Variants in CACNA1B observed in about 807,000 individuals in gnomAD.
CACNA1B encodes voltage-dependent N-type calcium channel subunit alpha-1B.
A neutral mutation model predicts 247.2 loss-of-function variants in CACNA1B; 70 were observed. The observed-to-expected ratio is 0.28, with a 90% confidence interval of 0.23 to 0.35. The LOEUF is 0.35. CACNA1B is among the 10% of genes least tolerant of loss of function. The pLI, the probability that CACNA1B is intolerant of heterozygous loss-of-function variation, is 1.00. For missense variants in CACNA1B, 2,367 were observed against 3,197.4 expected (o/e 0.74, Z 6.26); for synonymous variants, 1,231 against 1,294.4 (o/e 0.95, Z 1.05).
chr9:138,022,189 G>T (rs891789503), intron 18 of CACNA1B, among the ~76,000 whole-genome samples: 2 of 152,196 alleles, frequency 1.3e-5, no homozygotes, highest in African/African-American at 2.4e-5. Flanking sequence ...GGGCTCCGAG[G>T]ACCATGTTCT....
chr9:138,068,732 A>G, intron 31 of CACNA1B: 1 of 456,308 alleles, frequency 2.2e-6, no homozygotes, highest in Non-Finnish European at 4.4e-6. Flanking sequence ...AGGGGCGGGA[A>G]CTGCTGACTG....
Position 138,050,820 on chromosome 9 carries a change from G to A in CACNA1B, c.3711-1272G>A, listed in dbSNP as rs1197710884. Among the ~76,000 whole-genome samples, 1 of 152,218 alleles carries A rather than the reference G, an allele frequency of 6.6e-6. No individual in the cohort carries two copies. The highest frequency in any genetic ancestry group is 1.5e-5 in the Non-Finnish European group (1 of 68,036). On this transcript the variant is annotated intron_variant, in intron 24 of 46. Coordinates refer to ENST00000371372, the MANE Select transcript of CACNA1B (RefSeq NM_000718.4). The surrounding 1 kb of genome is among the most constrained non-coding windows in gnomAD (Gnocchi z 5.2). ...CGGGAGCACTGGGGTGATGGAGACA[G>A]GAGGCTGGGTTCTTCCCACCTGGAA...
intron 39 of CACNA1B, among the ~76,000 whole-genome samples, chr9:138,107,975 ACT>A (rs1013590943): frequency 6.7e-6 from 1 of 148,296 alleles, no homozygotes; most frequent in Non-Finnish European, 1.5e-5. Flanking sequence ...ACAGAGTGAG[ACT>A]CTGTCTCAAA....
intron 20 of CACNA1B, among the ~76,000 whole-genome samples, chr9:138,025,983 C>T (rs757658568): frequency 4.4e-4 from 67 of 152,220 alleles, no homozygotes; most frequent in African/African-American, 4.6e-4. Flanking sequence ...GCAGACCAGA[C>T]GGACTCAATC....
At chr9:137,991,995 A>T (rs990940103) in intron 15 of CACNA1B, among the ~76,000 whole-genome samples, 1 of 152,242 alleles carries the variant, frequency 6.6e-6, no homozygotes, top group African/African-American at 2.4e-5. Context: ...TCCTTAAGAC[A>T]CAAATCCAAC....
chr9:138,013,291 T>C, intron 18 of CACNA1B, 56 bp downstream of exon 18: 1 of 1,348,784 alleles, frequency 7.4e-7, no homozygotes, highest in Non-Finnish European at 1.0e-6. Context: ...CAGGGTCCCA[T>C]GGCTGGGCCC....
In CACNA1B at chr9:138,124,174, A is replaced by C. The variant is rs1275282028; in HGVS notation, c.*2175A>C. 1 of 152,112 alleles carries C rather than the reference A, an allele frequency of 6.6e-6. No individual in the cohort carries two copies. The highest frequency in any genetic ancestry group is 2.4e-5 in the African/African-American group (1 of 41,402). 9.4% of individuals were successfully genotyped at this position (152,112 alleles called of 1,614,324 possible). ...TCCGGCTATCATATATGTCCCCTGA[A>C]TCTCATAGTGAGCTGCCAAATTTGA... On this transcript the variant is annotated 3_prime_UTR_variant, in exon 47 of 47. Coordinates refer to ENST00000371372, the MANE Select transcript of CACNA1B (RefSeq NM_000718.4).
Position 137,882,719 on chromosome 9 carries a change from G to A in CACNA1B, c.391-25G>A. ...ACTACACCGGGTAGGGGCCAGGGGTGACCACTGTTCTGCGCTTCTCCTAGG... is the reference window on the plus strand; with the variant it reads ...ACTACACCGGGTAGGGGCCAGGGGTAACCACTGTTCTGCGCTTCTCCTAGG... On this transcript the variant is annotated intron_variant, in intron 2 of 46. Coordinates refer to ENST00000371372, the MANE Select transcript of CACNA1B (RefSeq NM_000718.4). This position sits in a 1 kb window ranked among gnomAD's most constrained non-coding sequence, Gnocchi z 4.0. The A allele has an allele frequency of 6.2e-7, 1 of 1,613,674 alleles. No individual in the cohort carries two copies. Among genetic ancestry groups the A allele is most frequent in the Non-Finnish European group, 8.5e-7 (1 of 1,179,690 alleles).
intron 12 of CACNA1B, among the ~76,000 whole-genome samples, chr9:137,976,642 G>T (rs1231109627): frequency 2.7e-5 from 4 of 147,248 alleles, no homozygotes; most frequent in East Asian, 4.2e-4. Context: ...GTGTTTCCCA[G>T]CTTACCATGA....
intron 41 of CACNA1B, 68 bp from the exon 42 acceptor site, chr9:138,115,484 G>C: frequency 1.9e-6 from 3 of 1,546,354 alleles, no homozygotes; most frequent in Admixed American, 3.6e-5. Context: ...CACATGGTCA[G>C]AGCAGGTCAC....
Position 138,117,959 on chromosome 9 carries a change from A to G in CACNA1B, c.5791A>G (p.Ser1931Gly). 6.3e-7 allele frequency: 1 copy of G among 1,585,306 alleles called. No homozygotes were observed. The highest frequency in any genetic ancestry group is 1.7e-5 in the Admixed American group (1 of 58,000). ...TCTCTGCCACAGACAAAACCAAGAG[A>G]GTGGCATCAAAGAGTCTGTCTCCTG... ...SNGGAIQNQESGIKESVSWGT... is the reference protein window; with the variant it reads ...SNGGAIQNQEGGIKESVSWGT... Residue 1931 changes from serine to glycine, a missense_variant, in exon 43 of 47, where the codon AGT becomes GGT. By Grantham distance (56) the Ser-to-Gly change is moderately conservative. Coordinates refer to ENST00000371372, the MANE Select transcript of CACNA1B (RefSeq NM_000718.4).
Position 137,947,489 on chromosome 9 carries a change from C to T in CACNA1B, c.967-4785C>T, listed in dbSNP as rs546385231. ...TCTGTCAAACATAATTTAAAAAACT[C>T]AAAAGGAGAAACAAATCCAGTTACC... On this transcript the variant is annotated intron_variant, in intron 6 of 46. Transcript: ENST00000371372. 7.2e-5 allele frequency among the ~76,000 whole-genome samples: 11 copies of T among 152,314 alleles called. No individual in the cohort carries two copies. In the South Asian group the frequency reaches 2.1e-3, roughly 29 times the overall value.
At chr9:138,113,821 G>A (rs531885561) in intron 40 of CACNA1B, among the ~76,000 whole-genome samples, 4 of 135,328 alleles carry the variant, frequency 3.0e-5, no homozygotes, top group South Asian at 5.0e-4. Context: ...AGGGAGCGCC[G>A]GGAGGTGCCC....
chr9:137,951,873 G>A (rs1957881399), intron 6 of CACNA1B, among the ~76,000 whole-genome samples: 1 of 152,224 alleles, frequency 6.6e-6, no homozygotes, highest in South Asian at 2.1e-4. Flanking sequence ...CCCTTCAGGA[G>A]GACATGGCTT....
chr9:137,957,268 T>C lies in CACNA1B; in HGVS notation c.1244-330T>C, dbSNP rs1486902677. 6.6e-6 allele frequency among the ~76,000 whole-genome samples: 1 copy of C among 152,258 alleles called. No individual in the cohort carries two copies. Among genetic ancestry groups the C allele is most frequent in the Non-Finnish European group, 1.5e-5 (1 of 68,038 alleles). On this transcript the variant is annotated intron_variant, in intron 9 of 46. Transcript: ENST00000371372. This position sits in a 1 kb window ranked among gnomAD's most constrained non-coding sequence, Gnocchi z 4.7. ...TCAGCCGGCCCCATGCCTGCGGCTC[T>C]GAGCAGGTCTATGCTGTCCCTGTTG...
chr9:137,911,347 G>A (rs1022163146), intron 3 of CACNA1B, among the ~76,000 whole-genome samples: 1 of 152,024 alleles, frequency 6.6e-6, no homozygotes, highest in African/African-American at 2.4e-5. Flanking sequence ...AGGTAACCTG[G>A]CATTTTGGTT....
At position 137,914,058 on chromosome 9, in the gene CACNA1B, C is replaced by CT. The variant is rs1196261538; in HGVS notation, c.623-590dup. Among the ~76,000 whole-genome samples the CT allele has an allele frequency of 6.6e-6, 1 of 152,092 alleles. No individual in the cohort carries two copies. The highest frequency in any genetic ancestry group is 1.5e-5 in the Non-Finnish European group (1 of 68,010). ...TGGCAGAACATTCCCAGGGGCAGGTCTTTTTTGCCTCACTTTCTCCCAAGG... is the reference window on the plus strand; with the variant it reads ...TGGCAGAACATTCCCAGGGGCAGGTCTTTTTTTGCCTCACTTTCTCCCAAGG... On this transcript the variant is annotated intron_variant, in intron 4 of 46. Coordinates refer to ENST00000371372, the MANE Select transcript of CACNA1B (RefSeq NM_000718.4). This position sits in a 1 kb window ranked among gnomAD's most constrained non-coding sequence, Gnocchi z 4.3.
At position 138,014,697 on chromosome 9, in the gene CACNA1B, C is replaced by T. The variant is rs761218865; in HGVS notation, c.2267+1462C>T. Among the ~76,000 whole-genome samples the T allele has an allele frequency of 6.6e-6, 1 of 152,064 alleles. No individual in the cohort carries two copies. The highest frequency in any genetic ancestry group is 1.5e-5 in the Non-Finnish European group (1 of 68,012). On this transcript the variant is annotated intron_variant, in intron 18 of 46. Coordinates refer to ENST00000371372, the MANE Select transcript of CACNA1B (RefSeq NM_000718.4). This position sits in a 1 kb window ranked among gnomAD's most constrained non-coding sequence, Gnocchi z 6.2. ...GTTCAGCTCCTGGCCTCGCGCAGGC[C>T]TCGTGTTGTTCTCCTGAAGACTTGC... is the stretch of plus-strand genomic sequence containing the variant.
chr9:138,083,756 A>C (rs968950976), intron 36 of CACNA1B, among the ~76,000 whole-genome samples: 2 of 150,252 alleles, frequency 1.3e-5, no homozygotes. Flanking sequence ...CTGGAGTCTG[A>C]GCTGCTGAGA....
Sources: gnomAD v4.1 joint callset for allele counts (sites outside exome capture counted in the v4.1 genomes callset) on GRCh38, gnomAD v4.1.1 for gene constraint, Gnocchi (gnomAD v3.1) non-coding constraint, MANE v1.5 for transcripts, NCBI Gene and HGNC (gene_info 2026-07-23, HGNC 2026-07-21) for gene names.